The following POP1 variants were observed in gnomAD, a reference collection of about 807,000 sequenced individuals.
POP1 encodes POP1 ribonuclease P/MRP subunit.
In POP1, 75 loss-of-function variants were observed where a neutral mutation model predicts 102.2. That is an observed-to-expected ratio of 0.73 (90% CI 0.61 to 0.89). The LOEUF (loss-of-function observed/expected upper bound fraction) is 0.89, where lower values mean the gene tolerates loss of function less well. POP1 is among the 40% of genes least tolerant of loss of function. POP1 has a pLI of 0.00. For synonymous variants in POP1, 436 were observed against 464.1 expected, an observed-to-expected ratio of 0.94 and a Z score of 0.78; for missense variants, 1,116 against 1,267.4, an observed-to-expected ratio of 0.88 and a Z score of 1.81.
At position 98,156,336 on chromosome 8, in the gene POP1, G is replaced by A. The variant is rs1308180440; in HGVS notation, c.2344G>A (p.Gly782Arg). The A allele has an allele frequency of 1.2e-6, 2 of 1,614,090 alleles. No individual in the cohort carries two copies. Among genetic ancestry groups the A allele is most frequent in the South Asian group, 1.1e-5 (1 of 91,080 alleles). Residue 782 changes from glycine to arginine, a missense_variant, in exon 15 of 16, where the codon GGG (glycine) becomes AGG (arginine). Transcript: ENST00000401707. ...GGATGCAGGGTGTCAAGAATCGGCA[G>A]GGCCTGAGAGGATCACAGACCAGGA... ...VMDAGCQESA[G>R]PERITDQEAS...
chr8:98,127,548 G>A (rs369992317), intron 2 of POP1, 47 bp from the exon 3 acceptor site: 26 of 1,602,502 alleles, frequency 1.6e-5, no homozygotes, highest in Non-Finnish European at 2.0e-5. Context: ...CCACTATAAT[G>A]TTTATCTCTG....
chr8:98,122,118 C>T (rs1355844225), intron 1 of POP1, among the ~76,000 whole-genome samples: 10 of 152,146 alleles, frequency 6.6e-5, no homozygotes, highest in South Asian at 6.2e-4. Flanking sequence ...CATGAGCCAC[C>T]GCACCTGGCC....
intron 1 of POP1, among the ~76,000 whole-genome samples, chr8:98,118,375 C>T (rs1815909025): frequency 1.3e-5 from 2 of 152,102 alleles, no homozygotes; most frequent in Admixed American, 1.3e-4. Flanking sequence ...ACTTTTCCTA[C>T]CAATTCACAT....
intron 2 of POP1, among the ~76,000 whole-genome samples, chr8:98,124,993 A>T (rs1816153678): frequency 6.6e-6 from 1 of 152,186 alleles, no homozygotes; most frequent in African/African-American, 2.4e-5. Flanking sequence ...CAAGTTCATA[A>T]GGTCTAGATT....
chr8:98,146,384 G>A (rs1245332225), intron 11 of POP1, among the ~76,000 whole-genome samples, 184 bp from the exon 12 acceptor site: 1 of 152,230 alleles, frequency 6.6e-6, no homozygotes, highest in Non-Finnish European at 1.5e-5. Context: ...AGGAGCCTTT[G>A]CTATGTCATA....
At chr8:98,146,773 A>T in intron 12 of POP1, 90 bp downstream of exon 12, 2 of 936,662 alleles carry the variant, frequency 2.1e-6, no homozygotes, top group Non-Finnish European at 3.5e-6. Flanking sequence ...TTCATACTTC[A>T]TAGAATTCCA....
chr8:98,140,075 C>G lies in POP1; in HGVS notation c.1363-3C>G. 1 of 1,610,528 alleles carries G rather than the reference C, an allele frequency of 6.2e-7. No homozygotes were observed. Among genetic ancestry groups the G allele is most frequent in the Middle Eastern group, 1.7e-4 (1 of 6,056 alleles). On this transcript the variant is annotated splice_polypyrimidine_tract_variant and splice_region_variant and intron_variant, in intron 9 of 15. Transcript: ENST00000401707. ...CCAGTGAATAGTAGTTGTTATTTTT[C>G]AGGTGGGAGAGGACACAGAGGAGAC...
At chr8:98,136,402 A>G in intron 7 of POP1, 80 bp from the exon 8 acceptor site, 1 of 1,019,010 alleles carries the variant, frequency 9.8e-7, no homozygotes, top group Non-Finnish European at 1.4e-6. Flanking sequence ...AAAGAGATTT[A>G]AAAAAAAAAA....
chr8:98,127,838 T>C (rs1816255581), intron 3 of POP1, 76 bp downstream of exon 3: 2 of 1,498,852 alleles, frequency 1.3e-6, no homozygotes, highest in Admixed American at 3.4e-5. Flanking sequence ...ACTGCCCTCC[T>C]TGTGGTCCTG....
chr8:98,144,997 C>T (rs189683209), intron 11 of POP1, among the ~76,000 whole-genome samples: 2 of 152,282 alleles, frequency 1.3e-5, no homozygotes, highest in East Asian at 3.9e-4. Flanking sequence ...AAGCCATCCT[C>T]CTACCTCAGC....
chr8:98,129,063 A>G (rs1306576919), intron 4 of POP1, among the ~76,000 whole-genome samples: 12 of 152,172 alleles, frequency 7.9e-5, no homozygotes, highest in Non-Finnish European at 4.4e-5. Flanking sequence ...TTTGAAATAT[A>G]GGATTTGATA....
At chr8:98,154,329 G>T (rs542620105) in intron 14 of POP1, among the ~76,000 whole-genome samples, 1 of 152,334 alleles carries the variant, frequency 6.6e-6, no homozygotes, top group South Asian at 2.1e-4. Context: ...GTTTGTAGGG[G>T]AGGGACGGTG....
intron 14 of POP1, among the ~76,000 whole-genome samples, chr8:98,151,159 C>T (rs1223732829): frequency 2.6e-5 from 4 of 151,874 alleles, no homozygotes; most frequent in Non-Finnish European, 5.9e-5. Context: ...GATCTTGGCT[C>T]ACTGAAACCT....
intron 11 of POP1, among the ~76,000 whole-genome samples, chr8:98,145,522 T>C (rs1816819549): frequency 6.6e-6 from 1 of 152,176 alleles, no homozygotes; most frequent in African/African-American, 2.4e-5. Flanking sequence ...ACTGATAAAG[T>C]TTGTTCCCCT....
chr8:98,144,640 G>A (rs17184543), intron 11 of POP1, among the ~76,000 whole-genome samples: 20,337 of 152,192 alleles, frequency 0.13, 1,481 homozygotes, highest in Middle Eastern at 0.27. Flanking sequence ...TTTACACTGT[G>A]AGTATCAACT....
intron 11 of POP1, among the ~76,000 whole-genome samples, chr8:98,141,943 A>G (rs1015973095): frequency 4.6e-5 from 7 of 152,028 alleles, no homozygotes; most frequent in Non-Finnish European, 5.9e-5. Context: ...TTCACATAAA[A>G]GGTGGATTGG....
intron 11 of POP1, among the ~76,000 whole-genome samples, chr8:98,142,948 T>G (rs565224515): frequency 1.3e-5 from 2 of 152,236 alleles, no homozygotes; most frequent in Non-Finnish European, 2.9e-5. Flanking sequence ...TACTTTAATC[T>G]GAAGGCTGTA....
At chr8:98,139,711 T>C (rs1318572382) in intron 9 of POP1, among the ~76,000 whole-genome samples, 1 of 151,556 alleles carries the variant, frequency 6.6e-6, no homozygotes, top group Non-Finnish European at 1.5e-5. Context: ...CCAGCCTCAG[T>C]GACAGTGAGA....
chr8:98,122,913 T>C (rs1816076020), intron 1 of POP1, among the ~76,000 whole-genome samples: 1 of 152,228 alleles, frequency 6.6e-6, no homozygotes, highest in East Asian at 1.9e-4. Flanking sequence ...CAAATTGAAA[T>C]CATTATCTAT....
Sources: gnomAD v4.1 joint callset for allele counts (sites outside exome capture counted in the v4.1 genomes callset) on GRCh38, gnomAD v4.1.1 for gene constraint, MANE v1.5 for transcripts, NCBI Gene and HGNC (gene_info 2026-07-23, HGNC 2026-07-21) for gene names.